The following ZNF618 variants were observed in gnomAD, a reference collection of about 807,000 sequenced individuals.
ZNF618 encodes neural precursor cell expressed, developmentally down-regulated 10.
ZNF618 carries 34 observed loss-of-function variants against 103.0 expected under a neutral mutation model. That is an observed-to-expected ratio of 0.33 (90% CI 0.25 to 0.44). The LOEUF (loss-of-function observed/expected upper bound fraction) is 0.44. Among genes scored for constraint, ZNF618 ranks in the 20% least tolerant of loss-of-function variants. The pLI is 1.00. For missense variants in ZNF618, 1,059 were observed against 1,295.4 expected, an observed-to-expected ratio of 0.82 and a Z score of 2.80; for synonymous variants, 551 against 542.2, an observed-to-expected ratio of 1.02 and a Z score of -0.23.
chr9:113,933,900 C>T (rs914428435), intron 1 of ZNF618, among the ~76,000 whole-genome samples: 2 of 151,562 alleles, frequency 1.3e-5, no homozygotes, highest in African/African-American at 2.4e-5. Flanking sequence ...CCTGTGGGGG[C>T]CAGGATTGGT....
chr9:114,022,671 ATC>A (rs1843175977), intron 10 of ZNF618, among the ~76,000 whole-genome samples: 1 of 150,350 alleles, frequency 6.7e-6, no homozygotes. Flanking sequence ...TGCTGTTCAA[ATC>A]TCTATACTCT....
At chr9:113,893,297 A>G (rs1009249224) in intron 1 of ZNF618, among the ~76,000 whole-genome samples, 2 of 152,216 alleles carry the variant, frequency 1.3e-5, no homozygotes, top group Non-Finnish European at 2.9e-5. Context: ...TAGGGACTAT[A>G]TAAGTACCTT....
intron 3 of ZNF618, among the ~76,000 whole-genome samples, chr9:113,996,063 C>T (rs913932014): frequency 1.3e-5 from 2 of 152,302 alleles, no homozygotes; most frequent in East Asian, 1.9e-4. Context: ...GCAGCCACCA[C>T]ACACCCCCAG....
In ZNF618 at chr9:114,049,414, G is replaced by C. The variant is rs756324699; in HGVS notation, c.2112G>C (p.Val704=). ...WNSVTDSLLL[V]HERYEQICEF... ...CGGTGACGGACTCACTGTTGCTGGT[G>C]CATGAGCGCTATGAGCAGATCTGCG... is the stretch of plus-strand genomic sequence containing the variant. Residue 704 remains valine (V), a synonymous_variant, in exon 15 of 15, where the codon GTG becomes GTC. Coordinates refer to ENST00000374126, the MANE Select transcript of ZNF618 (RefSeq NM_001318042.2). 2 of 1,603,370 alleles carry C rather than the reference G, an allele frequency of 1.2e-6. No homozygotes were observed. Among genetic ancestry groups the C allele is most frequent in the African/African-American group, 2.7e-5 (2 of 74,822 alleles).
intron 10 of ZNF618, chr9:114,028,088 G>C (rs534265320): frequency 6.6e-6 from 1 of 152,522 alleles, no homozygotes; most frequent in East Asian, 1.9e-4. Flanking sequence ...CCAGCCCCCG[G>C]TTCTCAGTGA....
At chr9:114,037,316 T>A (rs1844710548) in intron 13 of ZNF618, among the ~76,000 whole-genome samples, 1 of 152,140 alleles carries the variant, frequency 6.6e-6, no homozygotes. Flanking sequence ...TCTTTGTGGA[T>A]GGGGAGAGAG....
intron 10 of ZNF618, among the ~76,000 whole-genome samples, chr9:114,025,794 T>C (rs1454603884): frequency 2.0e-5 from 3 of 152,178 alleles, no homozygotes; most frequent in East Asian, 1.9e-4. Context: ...TGTGCCCTCA[T>C]TGGGATCCCA....
intron 1 of ZNF618, among the ~76,000 whole-genome samples, chr9:113,941,384 GT>G: frequency 6.6e-6 from 1 of 152,166 alleles, no homozygotes; most frequent in East Asian, 1.9e-4. Flanking sequence ...TCCAGTTACT[GT>G]TTAGACTTAA....
chr9:113,955,162 T>G (rs1210902923), intron 1 of ZNF618, among the ~76,000 whole-genome samples: 2 of 111,708 alleles, frequency 1.8e-5, no homozygotes, highest in African/African-American at 3.2e-5. Context: ...TTTTTTTTTT[T>G]GTCTATCCTG....
intron 12 of ZNF618, among the ~76,000 whole-genome samples, chr9:114,034,780 TTGGTGGCTGCTC>T (rs1844435604): frequency 6.6e-6 from 1 of 152,202 alleles, no homozygotes; most frequent in South Asian, 2.1e-4. Context: ...ACAGCCGCTC[TTGGTGGCTGCTC>T]TGGTGTTTGG....
rs1304295138 is a variant in ZNF618, at chr9:113,962,631, G to A, written c.34-6486G>A. Among the ~76,000 whole-genome samples, 3 of 151,988 alleles carry A rather than the reference G, an allele frequency of 2.0e-5. No individual in the cohort carries two copies. The East Asian group carries it at 5.8e-4, about 29-fold the overall frequency. On this transcript the variant is annotated intron_variant, in intron 1 of 14. Coordinates refer to ENST00000374126, the MANE Select transcript of ZNF618 (RefSeq NM_001318042.2). ...CACACCAGGCATGCTCCTGTCCTGG[G>A]GTCATTTGCACTGGCATCCACTTTG...
chr9:113,955,238 C>T (rs1328438428), intron 1 of ZNF618, among the ~76,000 whole-genome samples: 4 of 151,160 alleles, frequency 2.6e-5, no homozygotes, highest in African/African-American at 4.9e-5. Flanking sequence ...CACCCTGACT[C>T]ACCCCGTGGA....
intron 9 of ZNF618, among the ~76,000 whole-genome samples, chr9:114,011,830 A>G (rs1842274913): frequency 6.6e-6 from 1 of 152,212 alleles, no homozygotes; most frequent in African/African-American, 2.4e-5. Context: ...TAGAAAAGAG[A>G]GAGTTGGTCC....
At chr9:113,991,883 C>T (rs568523557) in intron 3 of ZNF618, among the ~76,000 whole-genome samples, 47 of 152,240 alleles carry the variant, frequency 3.1e-4, no homozygotes, top group Admixed American at 1.7e-3. Flanking sequence ...GTGGAGCTGC[C>T]ATGGTGTAGC....
chr9:113,901,238 C>T (rs907983226), intron 1 of ZNF618, among the ~76,000 whole-genome samples: 3 of 152,226 alleles, frequency 2.0e-5, no homozygotes, highest in Non-Finnish European at 4.4e-5. Flanking sequence ...CTCCAGTTCT[C>T]CTCAGGGCAG....
chr9:113,877,215 G>C (rs1427529518), intron 1 of ZNF618, among the ~76,000 whole-genome samples: 1 of 151,826 alleles, frequency 6.6e-6, no homozygotes, highest in African/African-American at 2.4e-5. Flanking sequence ...TCTTGGAGGG[G>C]AGAAAGCAAA....
intron 4 of ZNF618, among the ~76,000 whole-genome samples, chr9:113,999,825 G>A (rs547611473): frequency 6.6e-6 from 1 of 152,350 alleles, no homozygotes; most frequent in South Asian, 2.1e-4. Context: ...CTTGCTCATT[G>A]CTGGGGCCTC....
At chr9:113,910,776 G>C (rs1052690382) in intron 1 of ZNF618, among the ~76,000 whole-genome samples, 2 of 151,972 alleles carry the variant, frequency 1.3e-5, no homozygotes, top group African/African-American at 2.4e-5. Context: ...TCAGAGCCCA[G>C]CCTAGCCCAT....
At chr9:113,925,722 C>T (rs985745002) in intron 1 of ZNF618, among the ~76,000 whole-genome samples, 4 of 151,972 alleles carry the variant, frequency 2.6e-5, no homozygotes, top group African/African-American at 9.7e-5. Context: ...TACAGTTAAT[C>T]TGAGTCCACT....
Sources: gnomAD v4.1 joint callset for allele counts (sites outside exome capture counted in the v4.1 genomes callset) on GRCh38, gnomAD v4.1.1 for gene constraint, MANE v1.5 for transcripts, NCBI Gene and HGNC (gene_info 2026-07-23, HGNC 2026-07-21) for gene names.